GALNT9: variants seen among roughly 807,000 people sequenced by gnomAD.
GALNT9 encodes polypeptide N-acetylgalactosaminyltransferase 9.
Under a neutral mutation model 63.1 loss-of-function variants are expected in GALNT9, and 47 were observed. The ratio of observed to expected loss-of-function variants is 0.75; its 90% CI spans 0.59 to 0.95. The LOEUF is 0.95. Among genes scored for constraint, GALNT9 ranks in the 40% least tolerant of loss-of-function variants. The probability of loss-of-function intolerance (pLI) is 0.00; values close to 1 mark genes in which losing one functional copy is unlikely to be tolerated. For synonymous variants in GALNT9, 396 were observed against 365.7 expected, an observed-to-expected ratio of 1.08 and a Z score of -0.94; for missense variants, 829 against 874.8, an observed-to-expected ratio of 0.95 and a Z score of 0.66.
chr12:132,311,957 A>G (rs1394017516), intron 1 of GALNT9, among the ~76,000 whole-genome samples: 11 of 152,214 alleles, frequency 7.2e-5, no homozygotes, highest in African/African-American at 2.7e-4. Flanking sequence ...ATGATTACAA[A>G]GTGAAGATAA....
intron 3 of GALNT9, 141 bp downstream of exon 3, chr12:132,262,318 C>A (rs1555239847): frequency 3.5e-6 from 4 of 1,151,902 alleles, no homozygotes; most frequent in African/African-American, 1.6e-5. Flanking sequence ...GCAGGAGGGA[C>A]CCCCATAGGT....
intron 8 of GALNT9, chr12:132,200,500 T>C (rs1565981334): frequency 6.6e-6 from 1 of 152,510 alleles, no homozygotes; most frequent in Non-Finnish European, 1.5e-5. Flanking sequence ...CACAGACGTG[T>C]ACACACACAC....
At chr12:132,210,886 TGGTCGCTGTCTGGA>T (rs553883296) in intron 6 of GALNT9, among the ~76,000 whole-genome samples, 42 of 151,178 alleles carry the variant, frequency 2.8e-4, no homozygotes, top group East Asian at 2.1e-3. Flanking sequence ...GCCGTCTGGG[TGGTCGCTGTCTGGA>T]GGTCGCTGTC....
intron 2 of GALNT9, chr12:132,276,333 G>T: frequency 6.4e-6 from 1 of 155,126 alleles, no homozygotes. Flanking sequence ...AAAGAAACCT[G>T]GTAGCTGTTC....
At chr12:132,305,027 A>G (rs868990890) in intron 1 of GALNT9, among the ~76,000 whole-genome samples, 8 of 20,930 alleles carry the variant, frequency 3.8e-4, no homozygotes, top group East Asian at 0.042. Context: ...GCACACCCTC[A>G]CCCAGACACA....
chr12:132,315,777 G>A lies in GALNT9; in HGVS notation c.238+13189C>T, dbSNP rs529428305. On this transcript the variant is annotated intron_variant, in intron 1 of 10. Transcript: ENST00000328957. The surrounding 1 kb of genome is among the most constrained non-coding windows in gnomAD (Gnocchi z 6.1). ...GACGGCCTTCCACACAGAGCAGAGA[G>A]GGCTGAGCCACCCACTCATACTCCC... 1.5e-4 allele frequency among the ~76,000 whole-genome samples: 23 copies of A among 152,334 alleles called. No individual in the cohort carries two copies. The highest frequency in any genetic ancestry group is 1.3e-3 in the Admixed American group (20 of 15,306).
At chr12:132,263,710 G>A (rs1048340891) in intron 2 of GALNT9, among the ~76,000 whole-genome samples, 2 of 152,202 alleles carry the variant, frequency 1.3e-5, no homozygotes, top group African/African-American at 4.8e-5. Flanking sequence ...GGCTGTGCCC[G>A]GCACACAGCA....
chr12:132,209,739 G>A (rs1019854257), intron 6 of GALNT9, among the ~76,000 whole-genome samples: 3 of 152,132 alleles, frequency 2.0e-5, no homozygotes, highest in African/African-American at 7.2e-5. Context: ...TACCCTGCGT[G>A]GTCTAAAAAG....
At chr12:132,248,423 G>A (rs1020257220) in intron 5 of GALNT9, among the ~76,000 whole-genome samples, 53 of 152,146 alleles carry the variant, frequency 3.5e-4, no homozygotes, top group African/African-American at 1.2e-3. Context: ...CAGTGAGCTG[G>A]TATTGCACCA....
Position 132,264,304 on chromosome 12 carries a change from T to C in GALNT9, c.420-1679A>G, listed in dbSNP as rs145273205. On this transcript the variant is annotated intron_variant, in intron 2 of 10. Transcript: ENST00000328957. ...AAGCGTGTGAGGAGCCCAGGAGCGA[T>C]CAGGGCAACAGAACCTTCCAGATGC... Among the ~76,000 whole-genome samples, 585 of 152,310 alleles carry C rather than the reference T, an allele frequency of 3.8e-3. 3 individuals are homozygous for C. Among genetic ancestry groups the C allele is most frequent in the South Asian group, 0.031 (149 of 4,828 alleles).
chr12:132,203,183 G>A (rs951323545), intron 7 of GALNT9, among the ~76,000 whole-genome samples: 1 of 152,208 alleles, frequency 6.6e-6, no homozygotes, highest in Non-Finnish European at 1.5e-5. Context: ...CCTGGCTGAG[G>A]CGGCGGCACC....
chr12:132,294,489 C>T (rs142459245), intron 1 of GALNT9, among the ~76,000 whole-genome samples: 500 of 152,330 alleles, frequency 3.3e-3, no homozygotes, highest in African/African-American at 0.011. Flanking sequence ...TGGTGACCTC[C>T]GGGTGATGCT....
intron 8 of GALNT9, among the ~76,000 whole-genome samples, chr12:132,200,095 C>T (rs114018430): frequency 0.014 from 2,059 of 152,138 alleles, 41 homozygotes; most frequent in African/African-American, 0.047. Flanking sequence ...GGCGGTGCCC[C>T]GATGCACACT....
chr12:132,265,776 G>C lies in GALNT9; in HGVS notation c.420-3151C>G, dbSNP rs141164664. On this transcript the variant is annotated intron_variant, in intron 2 of 10. Transcript: ENST00000328957. This position sits in a 1 kb window ranked among gnomAD's most constrained non-coding sequence, Gnocchi z 5.3. Reference sequence around the variant, plus strand: ...CTTAGCCACACATTCCTGCCTCGGAGGGGCCAGGGGCTTCTCCAGGACACT... The same window carrying C: ...CTTAGCCACACATTCCTGCCTCGGACGGGCCAGGGGCTTCTCCAGGACACT... Among the ~76,000 whole-genome samples the C allele has an allele frequency of 8.5e-3, 1,300 of 152,332 alleles. 15 individuals carry two copies. The highest frequency in any genetic ancestry group is 0.028 in the African/African-American group (1,182 of 41,554).
rs1881765976 is a variant in GALNT9 at position 132,310,272 on chromosome 12, A to G, written c.238+18694T>C. ...CTCACCGGCCACACCGCGGTTCGGC[A>G]TTTCAGTTGGGGTCGGTAACACGCA... On this transcript the variant is annotated intron_variant, in intron 1 of 10. Coordinates refer to ENST00000328957, the MANE Select transcript of GALNT9 (RefSeq NM_001122636.2). The surrounding 1 kb of genome is among the most constrained non-coding windows in gnomAD (Gnocchi z 4.8). Among the ~76,000 whole-genome samples the G allele has an allele frequency of 6.6e-6, 1 of 152,136 alleles. No individual in the cohort carries two copies. Among genetic ancestry groups the G allele is most frequent in the South Asian group, 2.1e-4 (1 of 4,822 alleles).
rs1555246742 is a variant in GALNT9 at position 132,329,061 on chromosome 12, C to T, written c.143G>A (p.Arg48His). 30 of 1,546,802 alleles carry T rather than the reference C, an allele frequency of 1.9e-5. No individual in the cohort carries two copies. Among genetic ancestry groups the T allele is most frequent in the African/African-American group, 2.7e-5 (2 of 73,002 alleles). The change falls in exon 1 of 11, where the codon CGC becomes CAC. Residue 48 changes from arginine (R) to histidine (H), a missense_variant. Arg to His is a conservative substitution (Grantham distance 29, BLOSUM62 0). Coordinates refer to ENST00000328957, the MANE Select transcript of GALNT9 (RefSeq NM_001122636.2). ...VRIVSGDRRV[R>H]SRHAKVGTLG... ...CGTGCCCACCTTGGCGTGTCGGCTGCGCACCCGGCGGTCGCCGCTCACGAT... is the reference window on the plus strand; with the variant it reads ...CGTGCCCACCTTGGCGTGTCGGCTGTGCACCCGGCGGTCGCCGCTCACGAT...
At chr12:132,261,597 C>A (rs1234590338) in intron 3 of GALNT9, among the ~76,000 whole-genome samples, 1 of 152,214 alleles carries the variant, frequency 6.6e-6, no homozygotes, top group African/African-American at 2.4e-5. Flanking sequence ...AGGAGGGCAG[C>A]CACGCCATTC....
rs894823798 is a variant in GALNT9 at position 132,245,966 on chromosome 12, C to G, written c.1077+1944G>C. On this transcript the variant is annotated intron_variant, in intron 6 of 10. Transcript: ENST00000328957. This position sits in a 1 kb window ranked among gnomAD's most constrained non-coding sequence, Gnocchi z 6.3. ...GGCCTCGGTGGTGGCTGCGCACTGC[C>G]GGTCCCCGGCACCCTCCCCAGGCTG... 1.3e-5 allele frequency among the ~76,000 whole-genome samples: 2 copies of G among 152,094 alleles called. No homozygotes were observed. Among genetic ancestry groups the G allele is most frequent in the Non-Finnish European group, 2.9e-5 (2 of 68,004 alleles).
At position 132,296,841 on chromosome 12, in the gene GALNT9, G is replaced by A. The variant is rs1555243300; in HGVS notation, c.239-10411C>T. Among the ~76,000 whole-genome samples the A allele has an allele frequency of 6.6e-6, 1 of 151,974 alleles. No individual in the cohort carries two copies. The highest frequency in any genetic ancestry group is 1.9e-4 in the East Asian group (1 of 5,186). ...GAGAGCACACACGCATTGGGGGCTG[G>A]GCGGGGGGAGGGTGGAACTCTTCCT... is the stretch of plus-strand genomic sequence containing the variant. On this transcript the variant is annotated intron_variant, in intron 1 of 10. Transcript: ENST00000328957. This position sits in a 1 kb window ranked among gnomAD's most constrained non-coding sequence, Gnocchi z 4.2.
Sources: allele counts gnomAD v4.1 joint callset (sites outside exome capture counted in the v4.1 genomes callset), GRCh38; gene constraint gnomAD v4.1.1; non-coding constraint Gnocchi (gnomAD v3.1); transcripts MANE v1.5; gene names NCBI Gene and HGNC (gene_info 2026-07-23, HGNC 2026-07-21).